Variants in NUF2 observed in about 807,000 individuals in gnomAD.
NUF2 encodes the protein NUF2 component of NDC80 kinetochore complex.
Under a neutral mutation model 61.8 loss-of-function variants are expected in NUF2, and 34 were observed. The observed-to-expected ratio is 0.55, with a 90% confidence interval of 0.42 to 0.73. NUF2 has a LOEUF of 0.73. Among genes scored for constraint, NUF2 ranks in the 30% least tolerant of loss-of-function variants. NUF2 has a pLI of 0.00. For missense variants in NUF2, 445 were observed against 539.1 expected, an observed-to-expected ratio of 0.83 and a Z score of 1.73; for synonymous variants, 172 against 181.6, an observed-to-expected ratio of 0.95 and a Z score of 0.42.
intron 5 of NUF2, among the ~76,000 whole-genome samples, chr1:163,332,707 G>A (rs1650635600): frequency 6.6e-6 from 1 of 151,994 alleles, no homozygotes; most frequent in South Asian, 2.1e-4. Context: ...TATTTTCTGT[G>A]TATAGTCCAA....
chr1:163,355,688 G>C lies in NUF2; in HGVS notation c.*219G>C, dbSNP rs1651465335. On this transcript the variant is annotated 3_prime_UTR_variant, in exon 14 of 14. Transcript: ENST00000271452. The stretch of plus-strand genomic sequence containing the variant: ...GTGCAGCTATTCATGTCTCTACTCT[G>C]CCCCTTGTTGTAAATAGTTTGAGTA... 6.7e-6 allele frequency: 2 copies of C among 300,430 alleles called. No individual in the cohort carries two copies. The highest frequency in any genetic ancestry group is 1.0e-4 in the Admixed American group (2 of 20,054). 18.6% of individuals were successfully genotyped at this position (300,430 alleles called of 1,614,324 possible).
chr1:163,332,506 A>G (rs1460964893), intron 5 of NUF2, among the ~76,000 whole-genome samples: 1 of 152,146 alleles, frequency 6.6e-6, no homozygotes, highest in Admixed American at 6.5e-5. Context: ...GAAGTTCAAA[A>G]TTGGTTTCAC....
chr1:163,322,895 C>T (rs1650282995), intron 1 of NUF2: 1 of 152,176 alleles, frequency 6.6e-6, no homozygotes, highest in African/African-American at 2.4e-5. Context: ...TGGAAAGTGT[C>T]TTCATCTCTC....
intron 9 of NUF2, 81 bp from the exon 10 acceptor site, chr1:163,343,652 A>G: frequency 1.6e-6 from 1 of 632,272 alleles, no homozygotes; most frequent in Non-Finnish European, 2.4e-6. Context: ...CATGGACCTA[A>G]TTTCTTTGTT....
At chr1:163,326,350 G>A (rs947777192) in intron 2 of NUF2, among the ~76,000 whole-genome samples, 176 bp downstream of exon 2, 15 of 151,504 alleles carry the variant, frequency 9.9e-5, no homozygotes, top group South Asian at 8.4e-4. Context: ...GTTTATATGT[G>A]TGGTGACTTC....
intron 5 of NUF2, among the ~76,000 whole-genome samples, chr1:163,336,054 G>T (rs1650747721): frequency 6.6e-6 from 1 of 151,306 alleles, no homozygotes; most frequent in Non-Finnish European, 1.5e-5. Flanking sequence ...TATGTTATTT[G>T]TGTTATGTTT....
intron 1 of NUF2, among the ~76,000 whole-genome samples, 158 bp from the exon 2 acceptor site, chr1:163,325,874 A>C (rs958933300): frequency 6.6e-6 from 1 of 152,238 alleles, no homozygotes; most frequent in African/African-American, 2.4e-5. Flanking sequence ...TAGGATACAT[A>C]TATAAATACT....
intron 5 of NUF2, 72 bp downstream of exon 5, chr1:163,328,979 A>G: frequency 9.2e-6 from 1 of 108,818 alleles, no homozygotes; most frequent in Admixed American, 1.6e-4. Flanking sequence ...CAGTAAATGT[A>G]AAAAAAAAAA....
At chr1:163,322,732 C>T (rs992732733) in intron 1 of NUF2, 1 of 152,216 alleles carries the variant, frequency 6.6e-6, no homozygotes, top group East Asian at 1.9e-4. Context: ...TTAGTACCTA[C>T]TCACTCTGCT....
intron 9 of NUF2, among the ~76,000 whole-genome samples, chr1:163,341,926 G>A (rs887632134): frequency 4.6e-5 from 7 of 152,078 alleles, no homozygotes; most frequent in East Asian, 1.9e-4. Context: ...CACCGCACCC[G>A]GCCACTTATT....
At chr1:163,350,042 C>A (rs1330119569) in intron 13 of NUF2, among the ~76,000 whole-genome samples, 3 of 151,922 alleles carry the variant, frequency 2.0e-5, no homozygotes, top group African/African-American at 7.2e-5. Flanking sequence ...TGGCTCATGC[C>A]TGTAATCCCA....
chr1:163,352,865 CAAA>C (rs529145033), intron 13 of NUF2, among the ~76,000 whole-genome samples: 1 of 134,342 alleles, frequency 7.4e-6, no homozygotes, highest in Non-Finnish European at 1.6e-5. Flanking sequence ...GACTCCGTCT[CAAA>C]AAAAAAAAAA....
At chr1:163,350,621 G>A (rs978167758) in intron 13 of NUF2, among the ~76,000 whole-genome samples, 1 of 152,136 alleles carries the variant, frequency 6.6e-6, no homozygotes, top group Non-Finnish European at 1.5e-5. Context: ...TGCCTTATGT[G>A]TAGTATGTTT....
intron 13 of NUF2, 139 bp from the exon 14 acceptor site, chr1:163,355,196 C>T (rs1651447837): frequency 1.0e-5 from 6 of 601,420 alleles, no homozygotes; most frequent in Non-Finnish European, 1.7e-5. Context: ...CAGACATAGA[C>T]ATGCACATTT....
chr1:163,336,650 T>C (rs1420346024), intron 5 of NUF2, 101 bp from the exon 6 acceptor site: 7 of 712,016 alleles, frequency 9.8e-6, no homozygotes, highest in Non-Finnish European at 1.7e-5. Flanking sequence ...AGTTTTATTT[T>C]ATATATTATG....
intron 5 of NUF2, among the ~76,000 whole-genome samples, chr1:163,334,816 G>C (rs1312918867): frequency 6.6e-6 from 1 of 152,056 alleles, no homozygotes; most frequent in Non-Finnish European, 1.5e-5. Context: ...ATAAATAAAA[G>C]GTGTTTTTCT....
intron 11 of NUF2, among the ~76,000 whole-genome samples, chr1:163,346,560 C>A (rs1347768651): frequency 6.6e-6 from 1 of 152,136 alleles, no homozygotes; most frequent in Non-Finnish European, 1.5e-5. Flanking sequence ...GGATGATTCA[C>A]TTCCAGGGTC....
At chr1:163,324,619 T>G (rs2101663063) in intron 1 of NUF2, among the ~76,000 whole-genome samples, 1 of 152,328 alleles carries the variant, frequency 6.6e-6, no homozygotes, top group South Asian at 2.1e-4. Flanking sequence ...TCATTTTGCT[T>G]CACTGGAGAG....
chr1:163,326,340 G>A (rs910761858), intron 2 of NUF2, among the ~76,000 whole-genome samples, 166 bp downstream of exon 2: 25 of 150,716 alleles, frequency 1.7e-4, no homozygotes, highest in African/African-American at 6.1e-4. Context: ...ATAACACTAA[G>A]TTTATATGTG....
Sources: gnomAD v4.1 joint callset for allele counts (sites outside exome capture counted in the v4.1 genomes callset) on GRCh38, gnomAD v4.1.1 for gene constraint, MANE v1.5 for transcripts, NCBI Gene and HGNC (gene_info 2026-07-23, HGNC 2026-07-21) for gene names.